DDX52: variants seen among roughly 807,000 people sequenced by gnomAD.
The protein encoded by DDX52 is DExD-box helicase 52, also known as probable ATP-dependent RNA helicase DDX52.
A neutral mutation model predicts 76.1 loss-of-function variants in DDX52; 59 were observed. The ratio of observed to expected loss-of-function variants is 0.78; its 90% CI spans 0.63 to 0.96. DDX52 has a LOEUF of 0.96. DDX52 is among the 40% of genes least tolerant of loss of function. The pLI, the probability that DDX52 is intolerant of heterozygous loss-of-function variation, is 0.00. For synonymous variants in DDX52, 231 were observed against 244.1 expected (o/e 0.95, Z 0.50); for missense variants, 707 against 703.9 (o/e 1.00, Z -0.05).
chr17:37,621,053 A>C, intron 11 of DDX52, 74 bp downstream of exon 11: 19 of 1,555,064 alleles, frequency 1.2e-5, no homozygotes, highest in Non-Finnish European at 1.6e-5. Flanking sequence ...AAGTGAGCAT[A>C]TGTGCAGGGA....
intron 7 of DDX52, 132 bp downstream of exon 7, chr17:37,626,656 A>C: frequency 2.4e-6 from 2 of 818,050 alleles, no homozygotes; most frequent in East Asian, 2.7e-5. Context: ...AAAAACCATT[A>C]TTCTCAGTGC....
chr17:37,628,348 T>TG (rs1278481231), intron 6 of DDX52, among the ~76,000 whole-genome samples: 6 of 152,086 alleles, frequency 3.9e-5, no homozygotes, highest in African/African-American at 1.2e-4. Context: ...TGGTGAAAGG[T>TG]GGGGGGCAAG....
At chr17:37,622,434 C>T (rs1324636320) in intron 9 of DDX52, among the ~76,000 whole-genome samples, 1 of 152,018 alleles carries the variant, frequency 6.6e-6, no homozygotes, top group East Asian at 1.9e-4. Context: ...GCTGGGATTA[C>T]AGGTGTGCAC....
chr17:37,622,166 A>T (rs1220795384), intron 9 of DDX52, among the ~76,000 whole-genome samples: 4 of 150,602 alleles, frequency 2.7e-5, no homozygotes, highest in African/African-American at 4.9e-5. Flanking sequence ...CTAAGTAAAC[A>T]TTTTTTTTTT....
At chr17:37,630,307 C>G in intron 4 of DDX52, 134 bp from the exon 5 acceptor site, 1 of 1,015,214 alleles carries the variant, frequency 9.9e-7, no homozygotes, top group Non-Finnish European at 1.4e-6. Context: ...CAAGTCATAT[C>G]TGCTTTCCTA....
At chr17:37,622,665 A>G (rs930678144) in intron 9 of DDX52, among the ~76,000 whole-genome samples, 3 of 152,192 alleles carry the variant, frequency 2.0e-5, no homozygotes, top group African/African-American at 4.8e-5. Context: ...AAACTTTCTA[A>G]TAAGTAACTA....
chr17:37,627,704 A>G (rs1254351035), intron 6 of DDX52, among the ~76,000 whole-genome samples: 1 of 139,416 alleles, frequency 7.2e-6, no homozygotes. Flanking sequence ...GTCAAAAAAC[A>G]AAAAGAAAAA....
At chr17:37,632,030 A>G (rs1218062281) in intron 4 of DDX52, 83 bp downstream of exon 4, 1 of 1,580,910 alleles carries the variant, frequency 6.3e-7, no homozygotes, top group Non-Finnish European at 8.7e-7. Flanking sequence ...AGGTGGAAAG[A>G]AAGAGTTCAA....
rs2064292079 is a variant in DDX52, at chr17:37,610,201, G to GCAGCCT, written c.*4089_*4094dup. ...TGCAGTGGCATGATCATGGCTCACAGCAGCCTCAGCCTCCCTGGCTCAAGC... is the reference window on the plus strand; with the variant it reads ...TGCAGTGGCATGATCATGGCTCACAGCAGCCTCAGCCTCAGCCTCCCTGGCTCAAGC... On this transcript the variant is annotated 3_prime_UTR_variant, in exon 15 of 15. Transcript: ENST00000617633. 6.6e-6 allele frequency: 1 copy of GCAGCCT among 150,808 alleles called. No homozygotes were observed. Among genetic ancestry groups the GCAGCCT allele is most frequent in the Non-Finnish European group, 1.5e-5 (1 of 68,224 alleles). The allele number at this position is 150,808 out of a possible 1,614,324, so 9.3% of individuals were successfully genotyped here.
chr17:37,610,665 T>A lies in DDX52; in HGVS notation c.*3631A>T, dbSNP rs897089119. 3.3e-5 allele frequency: 5 copies of A among 152,202 alleles called. No homozygotes were observed. The highest frequency in any genetic ancestry group is 7.3e-5 in the Non-Finnish European group (5 of 68,034). 9.4% of individuals were successfully genotyped at this position (152,202 alleles called of 1,614,324 possible). ...TCCTCAGTATCCTTAGGAGTTACAA[T>A]TGGCATCTTACAGATGAGAAAATCA... On this transcript the variant is annotated 3_prime_UTR_variant, in exon 15 of 15. Transcript: ENST00000617633.
chr17:37,625,887 T>C lies in DDX52; in HGVS notation c.1136+8A>G, dbSNP rs754387825. On this transcript the variant is annotated splice_region_variant and intron_variant, in intron 8 of 14. Transcript: ENST00000617633. ...TCAGTGTGATAATGTTGAGAAACAATTAAATACCTTGCTCCAATGGACACA... is the reference window on the plus strand; with the variant it reads ...TCAGTGTGATAATGTTGAGAAACAACTAAATACCTTGCTCCAATGGACACA... 1 of 1,613,950 alleles carries C rather than the reference T, an allele frequency of 6.2e-7. No homozygotes were observed. The highest frequency in any genetic ancestry group is 1.1e-5 in the South Asian group (1 of 91,070).
At chr17:37,636,406 C>A (rs188352774) in intron 2 of DDX52, among the ~76,000 whole-genome samples, 2 of 152,276 alleles carry the variant, frequency 1.3e-5, no homozygotes, top group Admixed American at 1.3e-4. Flanking sequence ...GGTTTGTGGA[C>A]TAGCTGTTCT....
chr17:37,619,476 C>A (rs906766572), intron 13 of DDX52, among the ~76,000 whole-genome samples: 10 of 152,010 alleles, frequency 6.6e-5, no homozygotes. Context: ...TATAAGATAG[C>A]AAGATCACTT....
At position 37,641,496 on chromosome 17, in the gene DDX52, T is replaced by C. The variant is rs113405949; in HGVS notation, c.286+614A>G. ...GTTCAGGCCTGTAATCCCGGCACTTTGGGGGGCCAAAGCGGGCGGATCACG... is the reference window on the plus strand; with the variant it reads ...GTTCAGGCCTGTAATCCCGGCACTTCGGGGGGCCAAAGCGGGCGGATCACG... On this transcript the variant is annotated intron_variant, in intron 2 of 14. Transcript: ENST00000617633. Among the ~76,000 whole-genome samples, 747 of 152,214 alleles carry C rather than the reference T, an allele frequency of 4.9e-3. 4 individuals carry two copies. Among genetic ancestry groups the C allele is most frequent in the Non-Finnish European group, 7.9e-3 (540 of 68,014 alleles).
Position 37,630,163 on chromosome 17 carries a change from A to G in DDX52, c.614T>C (p.Leu205Pro). 2 of 1,609,058 alleles carry G rather than the reference A, an allele frequency of 1.2e-6. No individual in the cohort carries two copies. Among genetic ancestry groups the G allele is most frequent in the Non-Finnish European group, 1.7e-6 (2 of 1,178,620 alleles). Residue 205 changes from leucine to proline, a missense_variant, in exon 5 of 15, where the codon CTT becomes CCT. Physicochemically the swap from Leu to Pro is moderately conservative, Grantham distance 98. Coordinates refer to ENST00000617633, the MANE Select transcript of DDX52 (RefSeq NM_007010.5). ...AIPVMLHGRELLASAPTGSGK... is the reference protein window; with the variant it reads ...AIPVMLHGREPLASAPTGSGK... ...AGATCCAGTTGGAGCAGAAGCCAGAAGTTCCCGACCCTAAAAACATAGGGT... is the reference window on the plus strand; with the variant it reads ...AGATCCAGTTGGAGCAGAAGCCAGAGGTTCCCGACCCTAAAAACATAGGGT...
In DDX52 at chr17:37,633,424, A is replaced by C. The variant is rs2147360923; in HGVS notation, c.287-6T>G. 1.3e-6 allele frequency: 2 copies of C among 1,550,312 alleles called. No homozygotes were observed. The highest frequency in any genetic ancestry group is 1.3e-5 in the South Asian group (1 of 78,610). The stretch of plus-strand genomic sequence containing the variant: ...TTCTTCTTGGGAAGCAATTTCTAAA[A>C]TATATTTTTAAAAAGTAAAAGATTT... On this transcript the variant is annotated splice_region_variant and splice_polypyrimidine_tract_variant and intron_variant, in intron 2 of 14. Coordinates refer to ENST00000617633, the MANE Select transcript of DDX52 (RefSeq NM_007010.5).
At chr17:37,643,307 C>A (rs2147375627) in intron 1 of DDX52, 27 bp downstream of exon 1, 2 of 1,598,004 alleles carry the variant, frequency 1.3e-6, no homozygotes, top group Non-Finnish European at 8.6e-7. Context: ...CTCAGTTACT[C>A]GGCCCTCGGT....
At chr17:37,633,759 A>G (rs1002384895) in intron 2 of DDX52, among the ~76,000 whole-genome samples, 6 of 152,072 alleles carry the variant, frequency 3.9e-5, no homozygotes, top group Admixed American at 1.3e-4. Flanking sequence ...ATCCAACTAG[A>G]TAAGAGAAAG....
At position 37,628,695 on chromosome 17, in the gene DDX52, C is replaced by T. The variant is rs1186199110; in HGVS notation, c.748-23G>A. ...AATCTAAAAAAAAAAAGATTAAAAA[C>T]ATTAGCTGCTAACATACTTGGACAA... On this transcript the variant is annotated intron_variant, in intron 5 of 14. Transcript: ENST00000617633. 4 of 1,512,072 alleles carry T rather than the reference C, an allele frequency of 2.6e-6. No individual in the cohort carries two copies. In the African/African-American group the frequency reaches 5.6e-5, roughly 21 times the overall value. The allele number at this position is 1,512,072 out of a possible 1,614,324, so 93.7% of individuals were successfully genotyped here. A position where few individuals can be genotyped will look rare whatever the true frequency, so the allele number is the denominator to read the frequency against.
Sources: gnomAD v4.1 joint callset for allele counts (sites outside exome capture counted in the v4.1 genomes callset) on GRCh38, gnomAD v4.1.1 for gene constraint, MANE v1.5 for transcripts, NCBI Gene and HGNC (gene_info 2026-07-23, HGNC 2026-07-21) for gene names.